Variants in GNAZ observed in about 807,000 individuals in gnomAD.
The protein encoded by GNAZ is guanine nucleotide-binding protein G(z) subunit alpha.
Under a neutral mutation model 25.4 loss-of-function variants are expected in GNAZ, and 3 were observed. That is an observed-to-expected ratio of 0.12 (90% CI 0.05 to 0.30). GNAZ has a LOEUF of 0.30. Among genes scored for constraint, GNAZ ranks in the 10% least tolerant of loss-of-function variants. GNAZ has a pLI of 1.00. For missense variants in GNAZ, 241 were observed against 501.8 expected (o/e 0.48, Z 4.97); for synonymous variants, 211 against 205.7 (o/e 1.03, Z -0.22).
intron 2 of GNAZ, among the ~76,000 whole-genome samples, chr22:23,107,467 A>G (rs2069516203): frequency 6.6e-6 from 1 of 152,166 alleles, no homozygotes; most frequent in African/African-American, 2.4e-5. Flanking sequence ...CCAGGGCCTG[A>G]GAGTGTCTGA....
At chr22:23,090,005 T>G (rs780789317) in intron 1 of GNAZ, among the ~76,000 whole-genome samples, 3 of 152,136 alleles carry the variant, frequency 2.0e-5, no homozygotes, top group Non-Finnish European at 4.4e-5. Flanking sequence ...TATGTCGCAC[T>G]AAGTCCTAAG....
intron 1 of GNAZ, among the ~76,000 whole-genome samples, chr22:23,089,673 G>T (rs1187511249): frequency 6.6e-6 from 1 of 152,196 alleles, no homozygotes. Context: ...GGCCGGGCCT[G>T]CTGGACGGTG....
intron 1 of GNAZ, among the ~76,000 whole-genome samples, chr22:23,087,158 C>T (rs1488758770): frequency 2.0e-5 from 3 of 152,104 alleles, no homozygotes; most frequent in African/African-American, 7.2e-5. Context: ...GAGTTGGGGG[C>T]AGCACCCACT....
rs1159115832 is a variant in GNAZ, at chr22:23,095,956, C to A, written c.261C>A (p.Ala87=). ...AIDSLTRIIR[A]LAALRIDFHN... ...ACTCGCTGACCCGCATCATCCGGGC[C>A]CTGGCCGCCCTCAGGATCGACTTCC... The change falls in exon 2 of 3, where the codon GCC becomes GCA. Residue 87 remains alanine, a synonymous_variant. Coordinates refer to ENST00000615612, the MANE Select transcript of GNAZ (RefSeq NM_002073.4). 2 of 1,612,358 alleles carry A rather than the reference C, an allele frequency of 1.2e-6. No individual in the cohort carries two copies. Among genetic ancestry groups the A allele is most frequent in the East Asian group, 4.5e-5 (2 of 44,882 alleles).
intron 1 of GNAZ, among the ~76,000 whole-genome samples, chr22:23,085,880 T>C (rs962029555): frequency 3.9e-5 from 6 of 152,220 alleles, no homozygotes; most frequent in Non-Finnish European, 7.3e-5. Flanking sequence ...ATCCTTTTTG[T>C]TTCTCTCTCA....
intron 2 of GNAZ, among the ~76,000 whole-genome samples, chr22:23,106,496 G>T (rs1436928085): frequency 6.6e-6 from 1 of 151,852 alleles, no homozygotes; most frequent in African/African-American, 2.4e-5. Context: ...GTGGCCCAGG[G>T]TAGTCATGTG....
chr22:23,073,285 C>G (rs1022462744), intron 1 of GNAZ, among the ~76,000 whole-genome samples: 6 of 152,240 alleles, frequency 3.9e-5, no homozygotes, highest in African/African-American at 1.4e-4. Context: ...CTGTGCTTGG[C>G]TGGAAGGAGC....
chr22:23,074,679 A>G (rs372239857), intron 1 of GNAZ, among the ~76,000 whole-genome samples: 11 of 152,256 alleles, frequency 7.2e-5, no homozygotes, highest in African/African-American at 2.6e-4. Flanking sequence ...GGGGAGGATG[A>G]GTTGAGAAGC....
intron 1 of GNAZ, among the ~76,000 whole-genome samples, chr22:23,079,822 A>G (rs1277225544): frequency 1.3e-5 from 2 of 152,158 alleles, no homozygotes; most frequent in African/African-American, 4.8e-5. Context: ...TGCCAGCCTC[A>G]GTTCTCAAGG....
intron 1 of GNAZ, among the ~76,000 whole-genome samples, chr22:23,084,318 G>A (rs1455526891): frequency 1.3e-5 from 2 of 152,152 alleles, no homozygotes; most frequent in Admixed American, 6.5e-5. Context: ...CTGTCAGTAC[G>A]GTATTCAGTA....
At chr22:23,092,568 G>T (rs1220493236) in intron 1 of GNAZ, among the ~76,000 whole-genome samples, 1 of 152,204 alleles carries the variant, frequency 6.6e-6, no homozygotes, top group South Asian at 2.1e-4. Flanking sequence ...GCATGTGATT[G>T]CTACCTGGCC....
chr22:23,112,046 C>G (rs1290539414), intron 2 of GNAZ, among the ~76,000 whole-genome samples: 1 of 152,154 alleles, frequency 6.6e-6, no homozygotes, highest in African/African-American at 2.4e-5. Flanking sequence ...TTGGGGGTAA[C>G]CAGGAAAGGA....
At chr22:23,080,595 GC>G (rs2068649349) in intron 1 of GNAZ, among the ~76,000 whole-genome samples, 1 of 152,216 alleles carries the variant, frequency 6.6e-6, no homozygotes, top group African/African-American at 2.4e-5. Flanking sequence ...CAGGTGCAAG[GC>G]CCATCAGGCA....
At position 23,076,363 on chromosome 22, in the gene GNAZ, G is replaced by A. The variant is rs1055177898; in HGVS notation, c.-450+5793G>A. Among the ~76,000 whole-genome samples the A allele has an allele frequency of 2.6e-5, 4 of 152,144 alleles. No individual in the cohort carries two copies. The South Asian group carries it at 6.2e-4, about 24-fold the overall frequency. On this transcript the variant is annotated intron_variant, in intron 1 of 2. Transcript: ENST00000615612. ...GTCGCTGTGGAGGGACTGAATATTC[G>A]CAGACAGTCATGCCTCAGTGGCCCT... is the stretch of plus-strand genomic sequence containing the variant.
chr22:23,092,277 G>T (rs2069001304), intron 1 of GNAZ, among the ~76,000 whole-genome samples: 1 of 152,198 alleles, frequency 6.6e-6, no homozygotes, highest in Non-Finnish European at 1.5e-5. Flanking sequence ...CTCAGAATAG[G>T]TGGGACTGTC....
At chr22:23,114,248 G>A (rs1429161460) in intron 2 of GNAZ, among the ~76,000 whole-genome samples, 1 of 152,314 alleles carries the variant, frequency 6.6e-6, no homozygotes, top group East Asian at 1.9e-4. Context: ...TGCTCTCGGC[G>A]TGAAAAAGCT....
At chr22:23,102,506 G>A (rs1397562100) in intron 2 of GNAZ, among the ~76,000 whole-genome samples, 1 of 152,236 alleles carries the variant, frequency 6.6e-6, no homozygotes, top group African/African-American at 2.4e-5. Context: ...AGCCCGCCTT[G>A]TGCAGTGGCT....
intron 2 of GNAZ, among the ~76,000 whole-genome samples, chr22:23,119,407 C>T (rs1449397916): frequency 6.6e-6 from 1 of 152,212 alleles, no homozygotes; most frequent in Non-Finnish European, 1.5e-5. Context: ...GACTTTGTAA[C>T]CGTCTGTGGT....
intron 1 of GNAZ, among the ~76,000 whole-genome samples, chr22:23,076,263 C>G (rs1355597955): frequency 1.3e-5 from 2 of 152,218 alleles, no homozygotes; most frequent in Non-Finnish European, 1.5e-5. Flanking sequence ...TTGATTCATT[C>G]ATCGTATGTG....
Sources: gnomAD v4.1 joint callset for allele counts (sites outside exome capture counted in the v4.1 genomes callset) on GRCh38, gnomAD v4.1.1 for gene constraint, MANE v1.5 for transcripts, NCBI Gene and HGNC (gene_info 2026-07-23, HGNC 2026-07-21) for gene names.